Variants in KCNQ3 observed in about 807,000 individuals in gnomAD.
The protein encoded by KCNQ3 is potassium voltage-gated channel subfamily Q member 3, also known as potassium voltage-gated channel subfamily KQT member 3.
KCNQ3 carries 30 observed loss-of-function variants against 92.5 expected under a neutral mutation model. The ratio of observed to expected loss-of-function variants is 0.32; its 90% CI spans 0.24 to 0.44. The LOEUF is 0.44. KCNQ3 is among the 20% of genes least tolerant of loss of function. The probability of loss-of-function intolerance (pLI) is 1.00; values close to 1 mark genes in which losing one functional copy is unlikely to be tolerated. For missense variants in KCNQ3, 913 were observed against 1,140.3 expected (o/e 0.80, Z 2.87); for synonymous variants, 450 against 468.8 (o/e 0.96, Z 0.52).
In KCNQ3 at chr8:132,129,213, T is replaced by G; in HGVS notation, c.*49A>C. On this transcript the variant is annotated 3_prime_UTR_variant, in exon 15 of 15. Coordinates refer to ENST00000388996, the MANE Select transcript of KCNQ3 (RefSeq NM_004519.4). This position sits in a 1 kb window ranked among gnomAD's most constrained non-coding sequence, Gnocchi z 5.9. ...GCGTCGGGTGTAAGAGTAAGTGAAC[T>G]ATACAAAGTCTGTCTACATTACAAG... 1 of 1,594,092 alleles carries G rather than the reference T, an allele frequency of 6.3e-7. No individual in the cohort carries two copies. Among genetic ancestry groups the G allele is most frequent in the Non-Finnish European group, 8.5e-7 (1 of 1,174,026 alleles).
At chr8:132,301,843 T>C (rs1248054380) in intron 1 of KCNQ3, among the ~76,000 whole-genome samples, 2 of 152,154 alleles carry the variant, frequency 1.3e-5, no homozygotes, top group African/African-American at 2.4e-5. Context: ...CAACAGAAAG[T>C]TGGCTCTGTG....
chr8:132,177,773 G>A (rs1326789636), intron 4 of KCNQ3, among the ~76,000 whole-genome samples: 1 of 152,198 alleles, frequency 6.6e-6, no homozygotes, highest in Non-Finnish European at 1.5e-5. Context: ...AGAGTACAAT[G>A]AATAAATGAA....
chr8:132,145,826 T>G (rs1825433201), intron 9 of KCNQ3, among the ~76,000 whole-genome samples: 1 of 152,206 alleles, frequency 6.6e-6, no homozygotes, highest in African/African-American at 2.4e-5. Flanking sequence ...CCAGTTTCAG[T>G]AATCAAGGAT....
At chr8:132,449,658 A>T (rs2130848357) in intron 1 of KCNQ3, among the ~76,000 whole-genome samples, 1 of 152,218 alleles carries the variant, frequency 6.6e-6, no homozygotes, top group East Asian at 1.9e-4. Context: ...ACCTGTCATC[A>T]TTGTCAGGTG....
chr8:132,427,936 T>C (rs1361378911), intron 1 of KCNQ3, among the ~76,000 whole-genome samples: 4 of 152,218 alleles, frequency 2.6e-5, no homozygotes, highest in African/African-American at 7.2e-5. Flanking sequence ...TCGGCAATGC[T>C]TCCTAGCCAC....
rs571330551 is a variant in KCNQ3, at chr8:132,257,458, A to C, written c.387-71277T>G. On this transcript the variant is annotated intron_variant, in intron 1 of 14. Coordinates refer to ENST00000388996, the MANE Select transcript of KCNQ3 (RefSeq NM_004519.4). ...AAGAATTTAGAAAAATAAGAGACAC[A>C]GTTTAGGCCGGGCGCGGTGGCTCAT... Among the ~76,000 whole-genome samples, 18 of 152,284 alleles carry C rather than the reference A, an allele frequency of 1.2e-4. No homozygotes were observed. In the East Asian group the frequency reaches 3.3e-3, roughly 28 times the overall value.
chr8:132,333,620 A>T (rs914116802), intron 1 of KCNQ3, among the ~76,000 whole-genome samples: 4 of 152,096 alleles, frequency 2.6e-5, no homozygotes, highest in Non-Finnish European at 5.9e-5. Context: ...GATTTTGTAT[A>T]TTTGGGGTGG....
intron 1 of KCNQ3, among the ~76,000 whole-genome samples, chr8:132,249,638 A>G (rs1815327400): frequency 1.3e-5 from 2 of 152,210 alleles, no homozygotes; most frequent in African/African-American, 4.8e-5. Flanking sequence ...GCTGCCCGCC[A>G]GTCCCACGCC....
chr8:132,196,787 G>A (rs892355678), intron 1 of KCNQ3, among the ~76,000 whole-genome samples: 1 of 152,184 alleles, frequency 6.6e-6, no homozygotes, highest in Non-Finnish European at 1.5e-5. Flanking sequence ...GTCTGGAAAG[G>A]CTTTCAAAGA....
intron 1 of KCNQ3, among the ~76,000 whole-genome samples, chr8:132,364,210 C>T (rs1351013496): frequency 5.9e-5 from 9 of 152,108 alleles, no homozygotes; most frequent in Non-Finnish European, 1.5e-5. Context: ...AATTAGGACA[C>T]AGGATGTGGT....
At chr8:132,159,758 G>A (rs538766216) in intron 9 of KCNQ3, among the ~76,000 whole-genome samples, 1 of 152,282 alleles carries the variant, frequency 6.6e-6, no homozygotes, top group South Asian at 2.1e-4. Flanking sequence ...CTGCCTATGT[G>A]AACCAGTACA....
In KCNQ3 at chr8:132,325,666, C is replaced by T. The variant is rs545096615; in HGVS notation, c.387-139485G>A. On this transcript the variant is annotated intron_variant, in intron 1 of 14. Transcript: ENST00000388996. ...GGACAGAGGTCCCAGAAAAACCACC[C>T]TGTTGACACCTTGATCTTGGACTTC... is the stretch of plus-strand genomic sequence containing the variant. Among the ~76,000 whole-genome samples, 53 of 152,334 alleles carry T rather than the reference C, an allele frequency of 3.5e-4. No homozygotes were observed. The South Asian group carries it at 0.011, about 31-fold the overall frequency.
At chr8:132,439,068 C>T (rs758281521) in intron 1 of KCNQ3, among the ~76,000 whole-genome samples, 5 of 151,292 alleles carry the variant, frequency 3.3e-5, no homozygotes, top group Admixed American at 6.6e-5. Flanking sequence ...ATCCCACTTA[C>T]GCCAGCTCCC....
intron 1 of KCNQ3, among the ~76,000 whole-genome samples, chr8:132,267,683 G>A (rs1449742977): frequency 6.6e-6 from 1 of 152,168 alleles, no homozygotes; most frequent in Non-Finnish European, 1.5e-5. Context: ...CTCCCTAGAA[G>A]GCTGCTGAAA....
At chr8:132,432,026 G>A (rs907642918) in intron 1 of KCNQ3, among the ~76,000 whole-genome samples, 2 of 152,192 alleles carry the variant, frequency 1.3e-5, no homozygotes, top group Non-Finnish European at 2.9e-5. Flanking sequence ...CCCTCAGAGG[G>A]TTGTTATGAG....
chr8:132,188,745 T>TG (rs1827072532), intron 1 of KCNQ3, among the ~76,000 whole-genome samples: 1 of 152,218 alleles, frequency 6.6e-6, no homozygotes, highest in Admixed American at 6.5e-5. Context: ...TAGTTCAATG[T>TG]GGAAAACAGG....
At chr8:132,279,788 A>G (rs926353555) in intron 1 of KCNQ3, among the ~76,000 whole-genome samples, 5 of 152,214 alleles carry the variant, frequency 3.3e-5, no homozygotes, top group Non-Finnish European at 7.3e-5. Context: ...AGACATCAAC[A>G]CATACTTATG....
At chr8:132,257,745 CAAAAAA>C in intron 1 of KCNQ3, among the ~76,000 whole-genome samples, 1 of 76,624 alleles carries the variant, frequency 1.3e-5, no homozygotes, top group Non-Finnish European at 2.3e-5. Context: ...GACTCCAGCT[CAAAAAA>C]AAAAAAAAAA....
intron 1 of KCNQ3, among the ~76,000 whole-genome samples, chr8:132,369,889 G>A (rs565878558): frequency 2.0e-5 from 3 of 152,300 alleles, no homozygotes; most frequent in South Asian, 4.1e-4. Context: ...ATTATCACCA[G>A]TACTATCCCC....
Sources: gnomAD v4.1 joint callset for allele counts (sites outside exome capture counted in the v4.1 genomes callset) on GRCh38, gnomAD v4.1.1 for gene constraint, Gnocchi (gnomAD v3.1) non-coding constraint, MANE v1.5 for transcripts, NCBI Gene and HGNC (gene_info 2026-07-23, HGNC 2026-07-21) for gene names.